The following OPCML variants were observed in gnomAD, a reference collection of about 807,000 sequenced individuals.
The protein encoded by OPCML is opioid binding protein/cell adhesion molecule like, also known as opioid-binding protein/cell adhesion molecule.
Under a neutral mutation model 37.8 loss-of-function variants are expected in OPCML, and 13 were observed. The ratio of observed to expected loss-of-function variants is 0.34; its 90% CI spans 0.22 to 0.55. The LOEUF is 0.55. Among genes scored for constraint, OPCML ranks in the 20% least tolerant of loss-of-function variants. The pLI is 0.91. For missense variants in OPCML, 341 were observed against 435.6 expected (o/e 0.78, Z 1.93); for synonymous variants, 176 against 168.8 (o/e 1.04, Z -0.33).
chr11:132,834,920 A>G (rs1216646100), intron 2 of OPCML, among the ~76,000 whole-genome samples: 2 of 151,984 alleles, frequency 1.3e-5, no homozygotes, highest in Non-Finnish European at 2.9e-5. Context: ...TGCTACTGTG[A>G]AGTTTGTAAT....
intron 3 of OPCML, among the ~76,000 whole-genome samples, chr11:132,653,881 C>T (rs766251233): frequency 3.3e-5 from 5 of 152,154 alleles, no homozygotes; most frequent in Non-Finnish European, 7.4e-5. Flanking sequence ...AGACAAGTGG[C>T]AGCTCGGAAA....
intron 2 of OPCML, among the ~76,000 whole-genome samples, chr11:132,785,013 C>T (rs563205070): frequency 6.6e-6 from 1 of 152,290 alleles, no homozygotes; most frequent in South Asian, 2.1e-4. Context: ...CACAATGATA[C>T]ATATTTTATT....
At chr11:132,572,091 A>G (rs141888977) in intron 3 of OPCML, among the ~76,000 whole-genome samples, 328 of 148,522 alleles carry the variant, frequency 2.2e-3, no homozygotes, top group African/African-American at 7.4e-3. Context: ...TCAAGTATTT[A>G]GCCCATTTTT....
intron 3 of OPCML, among the ~76,000 whole-genome samples, chr11:132,562,776 G>A (rs1395255103): frequency 6.6e-6 from 1 of 151,994 alleles, no homozygotes; most frequent in Admixed American, 6.6e-5. Flanking sequence ...GTTGGGGGGT[G>A]CATTTCATCA....
intron 1 of OPCML, among the ~76,000 whole-genome samples, chr11:132,988,123 G>A (rs1254689079): frequency 5.3e-5 from 8 of 152,016 alleles, no homozygotes; most frequent in Non-Finnish European, 5.9e-5. Flanking sequence ...TTTTTATTAG[G>A]ACAACTTTGA....
chr11:132,484,206 C>G (rs2096191421), intron 4 of OPCML, among the ~76,000 whole-genome samples: 1 of 151,794 alleles, frequency 6.6e-6, no homozygotes, highest in Non-Finnish European at 1.5e-5. Context: ...ACAATGAACT[C>G]CAACAAATTT....
At chr11:132,811,857 C>T (rs1456864529) in intron 2 of OPCML, among the ~76,000 whole-genome samples, 1 of 152,166 alleles carries the variant, frequency 6.6e-6, no homozygotes, top group Non-Finnish European at 1.5e-5. Context: ...AGCGCTCCAT[C>T]AATAGGCAGA....
At chr11:133,193,748 C>T (rs956411413) in intron 1 of OPCML, among the ~76,000 whole-genome samples, 1 of 151,896 alleles carries the variant, frequency 6.6e-6, no homozygotes, top group Admixed American at 6.6e-5. Flanking sequence ...AAATAAGAAC[C>T]AAAGATTTAT....
chr11:132,755,455 C>G (rs1946003932), intron 2 of OPCML, among the ~76,000 whole-genome samples: 1 of 152,096 alleles, frequency 6.6e-6, no homozygotes, highest in South Asian at 2.1e-4. Context: ...TTTATTCAAA[C>G]TTGGATCCTA....
At chr11:132,449,935 G>C (rs1286478865) in intron 4 of OPCML, among the ~76,000 whole-genome samples, 1 of 152,288 alleles carries the variant, frequency 6.6e-6, no homozygotes, top group East Asian at 1.9e-4. Flanking sequence ...GACAGCACTC[G>C]ACATTTGATT....
chr11:133,017,661 T>A (rs1426899551), intron 1 of OPCML, among the ~76,000 whole-genome samples: 2 of 152,204 alleles, frequency 1.3e-5, no homozygotes, highest in African/African-American at 2.4e-5. Flanking sequence ...ACTGCTGAGA[T>A]TACAGGCATG....
intron 2 of OPCML, among the ~76,000 whole-genome samples, chr11:132,776,190 A>G (rs1946803660): frequency 6.6e-6 from 1 of 152,166 alleles, no homozygotes; most frequent in Admixed American, 6.5e-5. Flanking sequence ...CAGCCTCCCA[A>G]ACTGCTGTGA....
chr11:132,790,348 G>C (rs1937814812), intron 2 of OPCML, among the ~76,000 whole-genome samples: 2 of 152,300 alleles, frequency 1.3e-5, no homozygotes, highest in African/African-American at 4.8e-5. Context: ...TTTCAAAACA[G>C]GTGGAAGAAA....
chr11:133,106,031 T>G (rs981130596), intron 1 of OPCML, among the ~76,000 whole-genome samples: 2 of 152,032 alleles, frequency 1.3e-5, no homozygotes, highest in Non-Finnish European at 2.9e-5. Flanking sequence ...AAAATCAGTA[T>G]GTTCAATGGT....
In OPCML at chr11:132,687,369, CATATATATATATATATATATATATAT is replaced by C. The variant is rs56834972; in HGVS notation, c.147-30076_147-30051del. Among the ~76,000 whole-genome samples the C allele has an allele frequency of 8.7e-3, 431 of 49,434 alleles. 20 individuals carry two copies. The highest frequency in any genetic ancestry group is 0.057 in the Middle Eastern group (4 of 70). The allele number at this position is 49,434 out of a possible 152,430, so 32.4% of individuals were successfully genotyped here. On this transcript the variant is annotated intron_variant, in intron 2 of 7. Transcript: ENST00000524381. The stretch of plus-strand genomic sequence containing the variant: ...ATATAAACTGCTCTGCCTTAAGCTA[CATATATATATATATATATATATATAT>C]ATATATATATATATATATATATATA...
intron 2 of OPCML, among the ~76,000 whole-genome samples, chr11:132,746,586 G>A (rs1381900852): frequency 6.6e-6 from 1 of 152,108 alleles, no homozygotes; most frequent in African/African-American, 2.4e-5. Flanking sequence ...TCACCCACGA[G>A]ACAGTCAGAG....
intron 2 of OPCML, among the ~76,000 whole-genome samples, chr11:132,662,433 C>A (rs886449095): frequency 2.8e-5 from 4 of 141,220 alleles, no homozygotes; most frequent in Non-Finnish European, 6.1e-5. Flanking sequence ...AAAAAAAGTG[C>A]CAAGATTCAT....
At chr11:133,125,764 A>C (rs1949498169) in intron 1 of OPCML, among the ~76,000 whole-genome samples, 1 of 100,826 alleles carries the variant, frequency 9.9e-6, no homozygotes, top group Non-Finnish European at 2.1e-5. Flanking sequence ...ATACATGTAT[A>C]TATAGACACA....
At chr11:132,654,361 G>T (rs989568219) in intron 3 of OPCML, among the ~76,000 whole-genome samples, 13 of 152,174 alleles carry the variant, frequency 8.5e-5, no homozygotes, top group Non-Finnish European at 1.6e-4. Flanking sequence ...TTCTCCCCAA[G>T]AGAACGTCAT....
Sources: allele counts gnomAD v4.1 joint callset (sites outside exome capture counted in the v4.1 genomes callset), GRCh38; gene constraint gnomAD v4.1.1; transcripts MANE v1.5; gene names NCBI Gene and HGNC (gene_info 2026-07-23, HGNC 2026-07-21).